Variants in CDH13 observed in about 807,000 individuals in gnomAD.
CDH13 encodes the protein cadherin-13.
A neutral mutation model predicts 63.8 loss-of-function variants in CDH13; 24 were observed. The ratio of observed to expected loss-of-function variants is 0.38; its 90% CI spans 0.27 to 0.53. The LOEUF (loss-of-function observed/expected upper bound fraction) is 0.53. Among genes scored for constraint, CDH13 ranks in the 20% least tolerant of loss-of-function variants. The pLI, the probability that CDH13 is intolerant of heterozygous loss-of-function variation, is 0.85. For synonymous variants in CDH13, 503 were observed against 355.3 expected (o/e 1.42, Z -4.67); for missense variants, 1,049 against 903.1 (o/e 1.16, Z -2.07).
chr16:83,007,637 C>A (rs998880633), intron 2 of CDH13, among the ~76,000 whole-genome samples: 6 of 151,996 alleles, frequency 3.9e-5, no homozygotes, highest in Non-Finnish European at 7.4e-5. Flanking sequence ...TGAGACCAGC[C>A]TAGGCAGCAT....
chr16:83,608,282 G>A (rs1033531360), intron 8 of CDH13, among the ~76,000 whole-genome samples: 1 of 152,158 alleles, frequency 6.6e-6, no homozygotes, highest in Non-Finnish European at 1.5e-5. Context: ...TGAGAGATGG[G>A]CAAATGCTCC....
chr16:83,150,064 C>T (rs1433835624), intron 4 of CDH13, among the ~76,000 whole-genome samples: 4 of 152,138 alleles, frequency 2.6e-5, no homozygotes, highest in African/African-American at 9.7e-5. Flanking sequence ...ATTTTTGCCT[C>T]TCTAGATGAA....
intron 1 of CDH13, among the ~76,000 whole-genome samples, chr16:82,645,883 T>C (rs1248020773): frequency 6.6e-6 from 1 of 152,242 alleles, no homozygotes; most frequent in Non-Finnish European, 1.5e-5. Context: ...CGTAAGGAAT[T>C]TAGCAAAGAA....
chr16:83,198,878 G>GT lies in CDH13; in HGVS notation c.484-18459dup, dbSNP rs1202505371. On this transcript the variant is annotated intron_variant, in intron 4 of 13. Coordinates refer to ENST00000567109, the MANE Select transcript of CDH13 (RefSeq NM_001257.5). ...TGTGGTACTAAAATTAAATAATGGG[G>GT]TTTTTTTTAAAGACAGAATTGTGAA... Among the ~76,000 whole-genome samples, 6 of 151,938 alleles carry GT rather than the reference G, an allele frequency of 3.9e-5. No individual in the cohort carries two copies. The East Asian group carries it at 5.8e-4, about 15-fold the overall frequency.
At chr16:82,964,436 G>A (rs536377712) in intron 2 of CDH13, among the ~76,000 whole-genome samples, 7 of 152,282 alleles carry the variant, frequency 4.6e-5, no homozygotes, top group Middle Eastern at 3.4e-3. Context: ...AGCAGACAGC[G>A]GCTTAGCCCA....
At chr16:82,672,768 TACACACACACAC>T (rs58819198) in intron 1 of CDH13, among the ~76,000 whole-genome samples, 13 of 144,564 alleles carry the variant, frequency 9.0e-5, no homozygotes, top group Non-Finnish European at 1.7e-4. Context: ...TATATATGTG[TACACACACACAC>T]ACACACACAC....
At chr16:82,863,176 C>T (rs1197772159) in intron 2 of CDH13, among the ~76,000 whole-genome samples, 1 of 152,114 alleles carries the variant, frequency 6.6e-6, no homozygotes, top group Non-Finnish European at 1.5e-5. Context: ...CAGAAATGGA[C>T]CACAAAGGAG....
chr16:83,384,111 A>T (rs1219148733), intron 6 of CDH13, among the ~76,000 whole-genome samples: 1 of 152,200 alleles, frequency 6.6e-6, no homozygotes, highest in Non-Finnish European at 1.5e-5. Context: ...TTAAAACACA[A>T]GTTCAAACTG....
At chr16:83,518,251 C>G (rs2074744833) in intron 7 of CDH13, among the ~76,000 whole-genome samples, 1 of 151,726 alleles carries the variant, frequency 6.6e-6, no homozygotes. Flanking sequence ...TCATGCCATT[C>G]TCCTGCCTCA....
intron 2 of CDH13, among the ~76,000 whole-genome samples, chr16:82,862,872 G>A (rs545799107): frequency 6.6e-6 from 1 of 152,182 alleles, no homozygotes. Context: ...GATGGCCGAG[G>A]CTACTTCCAA....
chr16:83,097,155 G>A (rs573418079), intron 3 of CDH13, among the ~76,000 whole-genome samples: 1 of 152,110 alleles, frequency 6.6e-6, no homozygotes, highest in Non-Finnish European at 1.5e-5. Flanking sequence ...AGGAGACTCG[G>A]TTGCCTTTGT....
At chr16:83,460,033 A>T (rs1388076597) in intron 6 of CDH13, among the ~76,000 whole-genome samples, 1 of 152,260 alleles carries the variant, frequency 6.6e-6, no homozygotes, top group Non-Finnish European at 1.5e-5. Flanking sequence ...CAGTAACAAG[A>T]TTATATAAAG....
At chr16:82,857,730 ATTG>A (rs990321420) in intron 1 of CDH13, among the ~76,000 whole-genome samples, 4 of 152,334 alleles carry the variant, frequency 2.6e-5, no homozygotes, top group African/African-American at 7.2e-5. Flanking sequence ...TATGTAAAAT[ATTG>A]TCATTTCAAC....
intron 3 of CDH13, among the ~76,000 whole-genome samples, chr16:83,113,946 C>T (rs2035182699): frequency 6.6e-6 from 1 of 152,020 alleles, no homozygotes; most frequent in African/African-American, 2.4e-5. Context: ...CCTATATACC[C>T]TGTAGGCTTA....
chr16:82,925,593 G>A (rs1351896883), intron 2 of CDH13, among the ~76,000 whole-genome samples: 2 of 152,214 alleles, frequency 1.3e-5, no homozygotes, highest in Non-Finnish European at 2.9e-5. Context: ...AAGATCAGGG[G>A]AAGGTTTTTA....
chr16:82,951,654 T>C (rs1905314639), intron 2 of CDH13, among the ~76,000 whole-genome samples: 1 of 152,198 alleles, frequency 6.6e-6, no homozygotes, highest in South Asian at 2.1e-4. Flanking sequence ...TCCCCACAAC[T>C]CTCCCAGGCT....
At chr16:82,864,002 G>A (rs2040036756) in intron 2 of CDH13, among the ~76,000 whole-genome samples, 3 of 152,148 alleles carry the variant, frequency 2.0e-5, no homozygotes, top group Admixed American at 6.5e-5. Context: ...AGGTCACTTG[G>A]CATCAAAAAT....
chr16:83,532,370 T>C (rs2075100820), intron 7 of CDH13, among the ~76,000 whole-genome samples: 1 of 152,198 alleles, frequency 6.6e-6, no homozygotes, highest in Non-Finnish European at 1.5e-5. Flanking sequence ...TTTCAAAGCA[T>C]TCATTGCACT....
intron 7 of CDH13, among the ~76,000 whole-genome samples, chr16:83,505,319 C>T (rs562798728): frequency 2.6e-5 from 4 of 152,230 alleles, no homozygotes; most frequent in South Asian, 2.1e-4. Flanking sequence ...CCTTAGTGTA[C>T]GCTGGACAAC....
Sources: gnomAD v4.1 joint callset for allele counts (sites outside exome capture counted in the v4.1 genomes callset) on GRCh38, gnomAD v4.1.1 for gene constraint, MANE v1.5 for transcripts, NCBI Gene and HGNC (gene_info 2026-07-23, HGNC 2026-07-21) for gene names.